Variants in APPL1 observed in about 807,000 individuals in gnomAD.
APPL1 encodes the protein adaptor protein, phosphotyrosine interacting with PH domain and leucine zipper 1.
Under a neutral mutation model 106.8 loss-of-function variants are expected in APPL1, and 42 were observed. The ratio of observed to expected loss-of-function variants is 0.39; its 90% confidence interval spans 0.31 to 0.51. The LOEUF (loss-of-function observed/expected upper bound fraction) is 0.51. APPL1 is among the 20% of genes least tolerant of loss of function. APPL1 has a pLI of 0.75. For synonymous variants in APPL1, 263 were observed against 281.8 expected (o/e 0.93, Z 0.67); for missense variants, 769 against 858.2 (o/e 0.90, Z 1.30).
At chr3:57,240,316 A>G (rs1046129358) in intron 4 of APPL1, 149 bp from the exon 5 acceptor site, 4 of 602,040 alleles carry the variant, frequency 6.6e-6, no homozygotes, top group Admixed American at 3.1e-5. Flanking sequence ...TTTTGACTAT[A>G]TAGTATTTTG....
Position 57,260,127 on chromosome 3 carries a change from C to T in APPL1, c.1669C>T (p.Pro557Ser). ...VTCDCLKLID[P>S]QTQVTRLTFP... ...AAATTATTATTTTAGGTTAATTGAT[C>T]CACAGACACAAGTTACAAGGCTCAC... is the stretch of plus-strand genomic sequence containing the variant. The change falls in exon 18 of 22, where the codon CCA becomes TCA. Residue 557 changes from proline to serine, a missense_variant. By Grantham distance (74) the Pro-to-Ser change is moderately conservative (BLOSUM62 -1). Coordinates refer to ENST00000288266, the MANE Select transcript of APPL1 (RefSeq NM_012096.3). The T allele has an allele frequency of 6.2e-7, 1 of 1,606,018 alleles. No homozygotes were observed. Among genetic ancestry groups the T allele is most frequent in the African/African-American group, 1.3e-5 (1 of 74,376 alleles).
At chr3:57,244,622 A>G (rs2060763428) in intron 7 of APPL1, among the ~76,000 whole-genome samples, 1 of 152,196 alleles carries the variant, frequency 6.6e-6, no homozygotes, top group Non-Finnish European at 1.5e-5. Context: ...AATAAAGGAA[A>G]TGTTAGGAGA....
At position 57,248,462 on chromosome 3, in the gene APPL1, A is replaced by C. The variant is rs181267055; in HGVS notation, c.863+111A>C. The C allele has an allele frequency of 6.0e-4, 751 of 1,255,280 alleles. 4 individuals are homozygous for C. The highest frequency in any genetic ancestry group is 7.4e-4 in the Non-Finnish European group (679 of 922,082). 77.8% of individuals were successfully genotyped at this position (1,255,280 alleles called of 1,614,324 possible). ...ATTTTGATTTTTATTAAAGGTTGAA[A>C]CTTTTTAGAGGTGTTAGTATTTATG... is the stretch of plus-strand genomic sequence containing the variant. On this transcript the variant is annotated intron_variant, in intron 10 of 21. Coordinates refer to ENST00000288266, the MANE Select transcript of APPL1 (RefSeq NM_012096.3).
chr3:57,242,210 C>A, intron 6 of APPL1, 68 bp downstream of exon 6: 3 of 1,192,664 alleles, frequency 2.5e-6, no homozygotes, highest in Admixed American at 2.5e-5. Flanking sequence ...ATATCTGTGG[C>A]CAGATTCTTT....
chr3:57,233,729 G>C (rs958301287), intron 1 of APPL1, among the ~76,000 whole-genome samples: 2 of 151,976 alleles, frequency 1.3e-5, no homozygotes, highest in Admixed American at 1.3e-4. Flanking sequence ...ATACTATATT[G>C]ACTTAGCTTC....
chr3:57,261,526 T>G (rs2060865354), intron 19 of APPL1, among the ~76,000 whole-genome samples: 1 of 152,108 alleles, frequency 6.6e-6, no homozygotes, highest in South Asian at 2.1e-4. Context: ...TTTGTTGTTG[T>G]TGTTGTTTTT....
chr3:57,243,049 A>G (rs1217446432), intron 7 of APPL1, 135 bp downstream of exon 7: 10 of 649,914 alleles, frequency 1.5e-5, no homozygotes, highest in South Asian at 1.3e-4. Flanking sequence ...CTTTCCTTCT[A>G]GCTGTTCAAA....
intron 6 of APPL1, 132 bp from the exon 7 acceptor site, chr3:57,242,724 T>C: frequency 6.1e-6 from 4 of 652,846 alleles, no homozygotes; most frequent in South Asian, 5.6e-5. Flanking sequence ...GAAAATTGAG[T>C]GCAGTGGTCA....
intron 6 of APPL1, 132 bp downstream of exon 6, chr3:57,242,274 A>G (rs1246612714): frequency 1.5e-6 from 1 of 651,612 alleles, no homozygotes. Context: ...TTAAATCAGT[A>G]TTGCTACTTA....
Position 57,257,053 on chromosome 3 carries a change from T to TA in APPL1, c.1247+4dup. ...CGAGAGCCTGCGGCCAGCAGCAGGGTAAGTTACCACACTGAGTTATTTAAA... is the reference window on the plus strand; with the variant it reads ...CGAGAGCCTGCGGCCAGCAGCAGGGTAAAGTTACCACACTGAGTTATTTAAA... On this transcript the variant is annotated splice_region_variant and intron_variant, in intron 14 of 21. Transcript: ENST00000288266. The TA allele has an allele frequency of 6.2e-7, 1 of 1,613,970 alleles. No individual in the cohort carries two copies. Among genetic ancestry groups the TA allele is most frequent in the Non-Finnish European group, 8.5e-7 (1 of 1,179,830 alleles).
chr3:57,257,735 C>T lies in APPL1; in HGVS notation c.1430+307C>T, dbSNP rs540089429. On this transcript the variant is annotated intron_variant, in intron 15 of 21. Coordinates refer to ENST00000288266, the MANE Select transcript of APPL1 (RefSeq NM_012096.3). Reference sequence around the variant, plus strand: ...GTTGATAGCTGTCTTTAGGTCATGACAATTTTTAAAAAATTCTTGAGGGTA... The same window carrying T: ...GTTGATAGCTGTCTTTAGGTCATGATAATTTTTAAAAAATTCTTGAGGGTA... 3.3e-5 allele frequency among the ~76,000 whole-genome samples: 5 copies of T among 152,182 alleles called. No individual in the cohort carries two copies. The South Asian group carries it at 8.3e-4, about 25-fold the overall frequency.
At chr3:57,227,998 C>A in intron 1 of APPL1, 61 bp downstream of exon 1, 1 of 1,328,250 alleles carries the variant, frequency 7.5e-7, no homozygotes, top group Non-Finnish European at 9.8e-7. Context: ...CCAGGTCTGG[C>A]GCCTCCGCGG....
chr3:57,242,258 C>G, intron 6 of APPL1, 116 bp downstream of exon 6: 1 of 757,140 alleles, frequency 1.3e-6, no homozygotes, highest in Non-Finnish European at 2.1e-6. Context: ...AATAAGTGAA[C>G]ATTACTTAAA....
chr3:57,232,069 A>G (rs1308001420), intron 1 of APPL1, among the ~76,000 whole-genome samples: 1 of 152,236 alleles, frequency 6.6e-6, no homozygotes, highest in Non-Finnish European at 1.5e-5. Context: ...TTAAGCTTAT[A>G]GTAGATGCCT....
chr3:57,256,893 A>G (rs780886246), intron 13 of APPL1, 64 bp from the exon 14 acceptor site: 398 of 1,261,072 alleles, frequency 3.2e-4, no homozygotes, highest in Non-Finnish European at 4.3e-4. Flanking sequence ...ATTCAGAGTT[A>G]CATTCAAACT....
chr3:57,237,615 T>C (rs2060723389), intron 3 of APPL1, 64 bp downstream of exon 3: 3 of 1,162,706 alleles, frequency 2.6e-6, no homozygotes, highest in Admixed American at 5.6e-5. Flanking sequence ...AGATAGACTT[T>C]CAACAAGAAT....
At chr3:57,239,574 G>A (rs1219817140) in intron 4 of APPL1, among the ~76,000 whole-genome samples, 1 of 151,860 alleles carries the variant, frequency 6.6e-6, no homozygotes, top group African/African-American at 2.4e-5. Flanking sequence ...TTGTTTATTT[G>A]TGTTGTTTCT....
intron 7 of APPL1, among the ~76,000 whole-genome samples, chr3:57,243,896 G>A (rs1046902712): frequency 4.6e-5 from 7 of 152,000 alleles, no homozygotes; most frequent in Admixed American, 6.6e-5. Context: ...CCTAATATAC[G>A]TCAAGCAGTC....
At chr3:57,231,587 A>C (rs1327534008) in intron 1 of APPL1, among the ~76,000 whole-genome samples, 3 of 151,912 alleles carry the variant, frequency 2.0e-5, no homozygotes, top group Non-Finnish European at 4.4e-5. Context: ...TCATGCTTGT[A>C]AACACTTGAG....
Sources: gnomAD v4.1 joint callset for allele counts (sites outside exome capture counted in the v4.1 genomes callset) on GRCh38, gnomAD v4.1.1 for gene constraint, MANE v1.5 for transcripts, NCBI Gene and HGNC (gene_info 2026-07-23, HGNC 2026-07-21) for gene names.